The following TEX2 variants were observed in gnomAD, a reference collection of about 807,000 sequenced individuals.
TEX2 encodes testis-expressed protein 2.
A neutral mutation model predicts 106.9 loss-of-function variants in TEX2; 53 were observed. The ratio of observed to expected loss-of-function variants is 0.50; its 90% CI spans 0.40 to 0.62. The LOEUF is 0.62. Among genes scored for constraint, TEX2 ranks in the 20% least tolerant of loss-of-function variants. TEX2 has a pLI of 0.00. For synonymous variants in TEX2, 523 were observed against 534.8 expected, an observed-to-expected ratio of 0.98 and a Z score of 0.30; for missense variants, 1,207 against 1,379.0, an observed-to-expected ratio of 0.88 and a Z score of 1.98.
chr17:64,253,137 T>G (rs1011271241), intron 1 of TEX2, among the ~76,000 whole-genome samples: 3 of 152,072 alleles, frequency 2.0e-5, no homozygotes, highest in African/African-American at 7.2e-5. Flanking sequence ...GACATGATGA[T>G]GTTAGAATTA....
In TEX2 at chr17:64,189,495, C is replaced by T. The variant is rs890415266; in HGVS notation, c.2177-1080G>A. ...GTGAGAGATTCAGTGAAGTTCTAAGCATAGTACGGGGGGCAGAGGATAGGA... is the reference window on the plus strand; with the variant it reads ...GTGAGAGATTCAGTGAAGTTCTAAGTATAGTACGGGGGGCAGAGGATAGGA... On this transcript the variant is annotated intron_variant, in intron 4 of 11. Transcript: ENST00000584379. 2.8e-4 allele frequency among the ~76,000 whole-genome samples: 42 copies of T among 152,250 alleles called. 1 individual carries two copies. Among genetic ancestry groups the T allele is most frequent in the African/African-American group, 1.0e-3 (42 of 41,526 alleles).
At chr17:64,260,488 A>G (rs1555638402) in intron 1 of TEX2, among the ~76,000 whole-genome samples, 1 of 152,110 alleles carries the variant, frequency 6.6e-6, no homozygotes, top group African/African-American at 2.4e-5. Context: ...ACGTTTTTTG[A>G]ATCAATGTCC....
chr17:64,173,952 C>T (rs1016109375), intron 6 of TEX2, among the ~76,000 whole-genome samples: 1 of 151,990 alleles, frequency 6.6e-6, no homozygotes, highest in African/African-American at 2.4e-5. Context: ...GTGAAGCGAT[C>T]CTCCCACCTC....
intron 1 of TEX2, among the ~76,000 whole-genome samples, chr17:64,244,469 T>G (rs1750788812): frequency 6.6e-6 from 1 of 152,186 alleles, no homozygotes; most frequent in African/African-American, 2.4e-5. Flanking sequence ...TTACTATTTT[T>G]TCTCAGAAAT....
chr17:64,201,748 G>A (rs1337677793), intron 2 of TEX2, among the ~76,000 whole-genome samples: 1 of 152,120 alleles, frequency 6.6e-6, no homozygotes, highest in Non-Finnish European at 1.5e-5. Context: ...TCAGTTCTCT[G>A]GTACTCTCCC....
chr17:64,152,174 G>A (rs1039884820), intron 10 of TEX2, among the ~76,000 whole-genome samples: 2 of 152,166 alleles, frequency 1.3e-5, no homozygotes, highest in African/African-American at 4.8e-5. Flanking sequence ...GGTACAATGA[G>A]ATCTCTTATG....
At position 64,213,341 on chromosome 17, in the gene TEX2, G is replaced by A. The variant is rs201629032; in HGVS notation, c.877C>T (p.Arg293Cys). Residue 293 changes from arginine (R) to cysteine (C), a missense_variant, in exon 2 of 12, where the codon CGC becomes TGC. Coordinates refer to ENST00000584379, the MANE Select transcript of TEX2 (RefSeq NM_001288732.2). This position sits in a 1 kb window ranked among gnomAD's most constrained non-coding sequence, Gnocchi z 4.4. ...MEAKIEDTKR[R>C]LSEVIYEPFQ... ...GGCTCATAGATGACTTCTGAAAGGC[G>A]TCGTTTAGTATCTTCAATTTTAGCC... 9 of 1,613,868 alleles carry A rather than the reference G, an allele frequency of 5.6e-6. No individual in the cohort carries two copies. The highest frequency in any genetic ancestry group is 4.0e-5 in the African/African-American group (3 of 74,906).
At chr17:64,206,551 T>C (rs1351834857) in intron 2 of TEX2, among the ~76,000 whole-genome samples, 4 of 11,930 alleles carry the variant, frequency 3.4e-4, no homozygotes, top group African/African-American at 7.5e-4. Flanking sequence ...GAGGTCTTAC[T>C]TTTTTTTTTT....
At chr17:64,191,191 C>T (rs1336071114) in intron 4 of TEX2, among the ~76,000 whole-genome samples, 1 of 152,188 alleles carries the variant, frequency 6.6e-6, no homozygotes, top group South Asian at 2.1e-4. Context: ...TGCTTTAGTA[C>T]CAGTGAGTGC....
intron 2 of TEX2, among the ~76,000 whole-genome samples, chr17:64,202,912 CA>C (rs2032715906): frequency 1.3e-5 from 2 of 152,188 alleles, no homozygotes; most frequent in South Asian, 4.1e-4. Context: ...GTCTGGCCCA[CA>C]GACTGGTCCT....
At chr17:64,154,446 T>C (rs901717608) in intron 9 of TEX2, among the ~76,000 whole-genome samples, 15 of 152,218 alleles carry the variant, frequency 9.9e-5, no homozygotes, top group African/African-American at 3.6e-4. Context: ...ATCATCTGAA[T>C]GTTTCTGCTT....
At chr17:64,165,475 C>T (rs144313120) in intron 7 of TEX2, among the ~76,000 whole-genome samples, 80 of 152,318 alleles carry the variant, frequency 5.3e-4, no homozygotes, top group East Asian at 2.7e-3. Flanking sequence ...TTTTTCTTCC[C>T]GTAGCACAGT....
chr17:64,198,376 T>C (rs1417584762), intron 2 of TEX2, among the ~76,000 whole-genome samples: 1 of 150,666 alleles, frequency 6.6e-6, no homozygotes, highest in Non-Finnish European at 1.5e-5. Context: ...GAAGCAGATA[T>C]AATCGTTTTT....
At chr17:64,174,125 A>G (rs943584686) in intron 6 of TEX2, among the ~76,000 whole-genome samples, 5 of 152,172 alleles carry the variant, frequency 3.3e-5, no homozygotes, top group Non-Finnish European at 5.9e-5. Flanking sequence ...GATTACAGGC[A>G]TAAGCCACCA....
rs561272190 is a variant in TEX2, at chr17:64,207,836, C to A, written c.1644+4738G>T. ...CTGCAAGCTCTGCCTCCCGGGTTCA[C>A]GCCATTCTCCTGCCTCAGCCTCATG... is the stretch of plus-strand genomic sequence containing the variant. On this transcript the variant is annotated intron_variant, in intron 2 of 11. Coordinates refer to ENST00000584379, the MANE Select transcript of TEX2 (RefSeq NM_001288732.2). Among the ~76,000 whole-genome samples, 190 of 151,946 alleles carry A rather than the reference C, an allele frequency of 1.3e-3. 1 individual carries two copies. Among genetic ancestry groups the A allele is most frequent in the Non-Finnish European group, 1.6e-3 (110 of 67,960 alleles).
chr17:64,259,531 C>T (rs2034250716), intron 1 of TEX2, among the ~76,000 whole-genome samples: 1 of 152,184 alleles, frequency 6.6e-6, no homozygotes, highest in Non-Finnish European at 1.5e-5. Context: ...GTCCATGGCT[C>T]GTTAGCTCCT....
chr17:64,214,043 C>T lies in TEX2; in HGVS notation c.175G>A (p.Gly59Arg). Reference sequence around the variant, plus strand: ...GTTACAATGCTTTGGTCATCCAGCCCCTCCTCAAAGTACTCCCTGAACTCC... The same window carrying T: ...GTTACAATGCTTTGGTCATCCAGCCTCTCCTCAAAGTACTCCCTGAACTCC... The part of the protein sequence containing the change: ...EEEFREYFEE[G>R]LDDQSIVTGL... Residue 59 changes from glycine to arginine, a missense_variant, in exon 2 of 12, where the codon GGG (glycine) becomes AGG (arginine). Physicochemically the swap from Gly to Arg is moderately radical, Grantham distance 125. Around this residue, in one of 3 missense-constraint regions of TEX2, gnomAD observed 1,067 missense variants for 1,193.6 expected, o/e 0.89. Transcript: ENST00000584379. 1.9e-6 allele frequency: 3 copies of T among 1,614,182 alleles called. No homozygotes were observed. The highest frequency in any genetic ancestry group is 1.7e-6 in the Non-Finnish European group (2 of 1,180,030).
At chr17:64,170,140 A>AC (rs1489470255) in intron 7 of TEX2, among the ~76,000 whole-genome samples, 1 of 151,914 alleles carries the variant, frequency 6.6e-6, no homozygotes, top group African/African-American at 2.4e-5. Context: ...CAACTCTTTA[A>AC]CCCCCCACCC....
intron 3 of TEX2, 58 bp downstream of exon 3, chr17:64,194,837 A>C: frequency 6.5e-7 from 1 of 1,546,848 alleles, no homozygotes; most frequent in Non-Finnish European, 8.9e-7. Context: ...TTAAGCATCC[A>C]AGATGCCATA....
Sources: gnomAD v4.1 joint callset for allele counts (sites outside exome capture counted in the v4.1 genomes callset) on GRCh38, gnomAD v4.1.1 for gene constraint, gnomAD v4.1.1 regional missense constraint, Gnocchi (gnomAD v3.1) non-coding constraint, MANE v1.5 for transcripts, NCBI Gene and HGNC (gene_info 2026-07-23, HGNC 2026-07-21) for gene names.